The following CLDN10 variants were observed in gnomAD, a reference collection of about 807,000 sequenced individuals.
The protein encoded by CLDN10 is claudin 10.
CLDN10 carries 15 observed loss-of-function variants against 22.9 expected under a neutral mutation model. The observed-to-expected ratio is 0.65, with a 90% CI of 0.44 to 1.01. The LOEUF is 1.01. Among genes scored for constraint, CLDN10 ranks in the 50% least tolerant of loss-of-function variants. The probability of loss-of-function intolerance (pLI) is 0.00; values close to 1 mark genes in which losing one functional copy is unlikely to be tolerated. For missense variants in CLDN10, 247 were observed against 287.8 expected (o/e 0.86, Z 1.03); for synonymous variants, 114 against 111.4 (o/e 1.02, Z -0.15).
chr13:95,543,480 A>C (rs1339641560), intron 1 of CLDN10, among the ~76,000 whole-genome samples: 2 of 152,204 alleles, frequency 1.3e-5, no homozygotes, highest in Admixed American at 1.3e-4. Context: ...CTAATCTGTG[A>C]GTGAAGTTAC....
chr13:95,455,151 C>T (rs934239665), intron 1 of CLDN10, among the ~76,000 whole-genome samples: 2 of 149,686 alleles, frequency 1.3e-5, no homozygotes, highest in African/African-American at 2.5e-5. Flanking sequence ...GGATTACAGG[C>T]GAGCCACCAT....
chr13:95,548,309 T>A (rs961625033), upstream of CLDN10, among the ~76,000 whole-genome samples: 2 of 152,158 alleles, frequency 1.3e-5, no homozygotes, highest in African/African-American at 4.8e-5. Context: ...AGGAGTCTAC[T>A]AAGATAATTT....
intron 1 of CLDN10, among the ~76,000 whole-genome samples, chr13:95,492,429 G>C (rs868073932): frequency 3.9e-5 from 6 of 152,058 alleles, no homozygotes; most frequent in African/African-American, 4.8e-5. Flanking sequence ...AGTCATACAG[G>C]TTGTCAGGGA....
At chr13:95,448,123 C>T (rs2042398285) in intron 1 of CLDN10, among the ~76,000 whole-genome samples, 1 of 152,058 alleles carries the variant, frequency 6.6e-6, no homozygotes, top group African/African-American at 2.4e-5. Flanking sequence ...CACACATGCA[C>T]ACGCATACAC....
At chr13:95,489,570 G>A (rs2042847096) in intron 1 of CLDN10, among the ~76,000 whole-genome samples, 2 of 151,810 alleles carry the variant, frequency 1.3e-5, no homozygotes, top group East Asian at 1.9e-4. Context: ...TTTTTGATGG[G>A]ATTTTTTTTC....
At chr13:95,442,030 A>C (rs984702666) in intron 1 of CLDN10, among the ~76,000 whole-genome samples, 5 of 152,216 alleles carry the variant, frequency 3.3e-5, no homozygotes, top group African/African-American at 1.2e-4. Flanking sequence ...GGGCACCTAT[A>C]GTCCCAGCTA....
chr13:95,448,861 T>C (rs1461662956), intron 1 of CLDN10, among the ~76,000 whole-genome samples: 1 of 151,912 alleles, frequency 6.6e-6, no homozygotes, highest in Admixed American at 6.6e-5. Context: ...GTCCTCAGCC[T>C]CCCAAGTAGC....
chr13:95,496,570 T>G (rs1234833357), intron 1 of CLDN10, among the ~76,000 whole-genome samples: 1 of 152,134 alleles, frequency 6.6e-6, no homozygotes, highest in Non-Finnish European at 1.5e-5. Context: ...GGCTGGGAAG[T>G]TCACGGTCAA....
At chr13:95,532,096 G>A (rs1165534843) in intron 1 of CLDN10, among the ~76,000 whole-genome samples, 2 of 152,026 alleles carry the variant, frequency 1.3e-5, no homozygotes, top group Admixed American at 1.3e-4. Context: ...ATGACTTGGG[G>A]GTAGGCAAAG....
intron 1 of CLDN10, among the ~76,000 whole-genome samples, chr13:95,436,199 T>G (rs1430149604): frequency 6.6e-6 from 1 of 152,190 alleles, no homozygotes; most frequent in Non-Finnish European, 1.5e-5. Context: ...ATTTATTGTT[T>G]TTGAGACAGA....
intron 1 of CLDN10, among the ~76,000 whole-genome samples, chr13:95,515,940 G>A: frequency 6.6e-6 from 1 of 152,114 alleles, no homozygotes. Flanking sequence ...TGGGCGTGAT[G>A]GAGCATGCCT....
rs2042507934 is a variant in CLDN10, at chr13:95,458,861, A to G, written c.214+24814A>G. ...CCCAAAAGTCCAAATCCAAAGTCTC[A>G]TCTGAAACAAGTCAAGTACCTTCCA... On this transcript the variant is annotated intron_variant, in intron 1 of 4. Coordinates refer to the CLDN10 transcript ENST00000376873. Among the ~76,000 whole-genome samples, 3 of 152,198 alleles carry G rather than the reference A, an allele frequency of 2.0e-5. No individual in the cohort carries two copies. The South Asian group carries it at 6.2e-4, about 32-fold the overall frequency.
intron 3 of CLDN10, among the ~76,000 whole-genome samples, chr13:95,570,853 C>CGT (rs1555301072): frequency 0.19 from 19,934 of 103,824 alleles, 2,073 homozygotes; most frequent in Admixed American, 0.31. Flanking sequence ...CACACATATA[C>CGT]GTGTGTATAT....
Position 95,477,423 on chromosome 13 carries a change from G to C in CLDN10, c.214+43376G>C, listed in dbSNP as rs138169936. On this transcript the variant is annotated intron_variant, in intron 1 of 4. Coordinates refer to the CLDN10 transcript ENST00000376873. ...AGAGCCAGATAAGGGAATTGGTTGG[G>C]ATGCGAGCTCTGGGTTGGTTTTCAT... is the stretch of plus-strand genomic sequence containing the variant. 1.1e-3 allele frequency among the ~76,000 whole-genome samples: 162 copies of C among 152,292 alleles called. No homozygotes were observed. In the East Asian group the frequency reaches 0.026, roughly 24 times the overall value.
intron 3 of CLDN10, among the ~76,000 whole-genome samples, chr13:95,563,528 G>A (rs138455228): frequency 4.5e-3 from 688 of 152,192 alleles, no homozygotes; most frequent in Admixed American, 8.9e-3. Flanking sequence ...AGAAAATATA[G>A]ACTATAAAAA....
Position 95,564,162 on chromosome 13 carries a change from G to T in CLDN10, c.464+3699G>T, listed in dbSNP as rs557293929. Among the ~76,000 whole-genome samples the T allele has an allele frequency of 1.1e-4, 16 of 152,300 alleles. No homozygotes were observed. In the South Asian group the frequency reaches 3.3e-3, roughly 32 times the overall value. ...ATGTCTTTGGTGTCTTAATCAGCTGGCATAAGAATTAAGTTCCTTGAGGTC... is the reference window on the plus strand; with the variant it reads ...ATGTCTTTGGTGTCTTAATCAGCTGTCATAAGAATTAAGTTCCTTGAGGTC... On this transcript the variant is annotated intron_variant, in intron 3 of 4. Transcript: ENST00000299339.
chr13:95,450,625 C>T (rs931252023), intron 1 of CLDN10, among the ~76,000 whole-genome samples: 1 of 152,206 alleles, frequency 6.6e-6, no homozygotes, highest in African/African-American at 2.4e-5. Context: ...GTTAGACATC[C>T]GCAGCACATA....
chr13:95,539,942 G>A (rs1477485321), intron 1 of CLDN10, among the ~76,000 whole-genome samples: 1 of 152,148 alleles, frequency 6.6e-6, no homozygotes, highest in African/African-American at 2.4e-5. Flanking sequence ...ATCACCTAAA[G>A]TCAGGAGTTC....
chr13:95,457,078 G>A (rs1373637753), intron 1 of CLDN10, among the ~76,000 whole-genome samples: 2 of 152,088 alleles, frequency 1.3e-5, no homozygotes, highest in African/African-American at 2.4e-5. Context: ...TCTCGGTCCC[G>A]CAAGTGTTCC....
Sources: allele counts gnomAD v4.1 joint callset (sites outside exome capture counted in the v4.1 genomes callset), GRCh38; gene constraint gnomAD v4.1.1; transcripts MANE v1.5; gene names NCBI Gene and HGNC (gene_info 2026-07-23, HGNC 2026-07-21).